CADM1: variants seen among roughly 807,000 people sequenced by gnomAD.
CADM1 encodes the protein cell adhesion molecule 1.
A neutral mutation model predicts 53.1 loss-of-function variants in CADM1; 15 were observed. The ratio of observed to expected loss-of-function variants is 0.28; its 90% CI spans 0.19 to 0.44. The LOEUF is 0.44. Among genes scored for constraint, CADM1 ranks in the 20% least tolerant of loss-of-function variants. CADM1 has a pLI of 1.00. For synonymous variants in CADM1, 281 were observed against 243.0 expected, an observed-to-expected ratio of 1.16 and a Z score of -1.45; for missense variants, 434 against 611.3, an observed-to-expected ratio of 0.71 and a Z score of 3.06.
chr11:115,267,984 G>A (rs920989550), intron 1 of CADM1, among the ~76,000 whole-genome samples: 7 of 152,192 alleles, frequency 4.6e-5, no homozygotes, highest in Non-Finnish European at 8.8e-5. Context: ...AGAATATATC[G>A]TTAACACATC....
At chr11:115,490,716 A>C (rs149889672) in intron 1 of CADM1, among the ~76,000 whole-genome samples, 69 of 152,278 alleles carry the variant, frequency 4.5e-4, no homozygotes, top group African/African-American at 1.6e-3. Flanking sequence ...TGTGAAGTTC[A>C]GTTTTAGACG....
At chr11:115,323,890 G>GAAAA (rs200056022) in intron 1 of CADM1, among the ~76,000 whole-genome samples, 95 of 145,050 alleles carry the variant, frequency 6.5e-4, no homozygotes, top group East Asian at 2.4e-3. Flanking sequence ...TACGAAAAAG[G>GAAAA]AAAAAAAAAA....
chr11:115,395,655 T>G (rs1239327371), intron 1 of CADM1, among the ~76,000 whole-genome samples: 1 of 152,190 alleles, frequency 6.6e-6, no homozygotes, highest in African/African-American at 2.4e-5. Flanking sequence ...TCGGAGATGT[T>G]TGAAATGTGA....
At position 115,504,383 on chromosome 11, in the gene CADM1, T is replaced by C. The variant is rs45514793; in HGVS notation, c.12A>G (p.Val4=). 936 of 1,546,892 alleles carry C rather than the reference T, an allele frequency of 6.1e-4. 3 individuals are homozygous for C. The African/African-American group carries it at 7.4e-3, about 12-fold the overall frequency. The part of the protein sequence containing the change: MAS[V]VLPSGSQCAA... ...CACACTGGGATCCGCTCGGCAGCAC[T>C]ACACTCGCCATGTCGGGCACCTGCC... The change falls in exon 1 of 12, where the codon GTA becomes GTG. Residue 4 remains valine, a synonymous_variant. Coordinates refer to ENST00000331581, the MANE Select transcript of CADM1 (RefSeq NM_001301043.2).
At chr11:115,384,705 T>G (rs1009672092) in intron 1 of CADM1, among the ~76,000 whole-genome samples, 1 of 152,192 alleles carries the variant, frequency 6.6e-6, no homozygotes, top group East Asian at 1.9e-4. Context: ...TTCACACTTG[T>G]GATAAGGCAT....
At chr11:115,201,554 G>A (rs1455718485) in intron 8 of CADM1, among the ~76,000 whole-genome samples, 1 of 152,190 alleles carries the variant, frequency 6.6e-6, no homozygotes, top group African/African-American at 2.4e-5. Context: ...GAATCAACTT[G>A]TGTGGTGACC....
intron 8 of CADM1, among the ~76,000 whole-genome samples, chr11:115,200,538 C>T (rs548768851): frequency 6.6e-6 from 1 of 152,220 alleles, no homozygotes; most frequent in South Asian, 2.1e-4. Context: ...TCTTGTTGCC[C>T]AGGCTGGAGA....
chr11:115,236,345 C>T (rs770091270), intron 3 of CADM1, among the ~76,000 whole-genome samples: 1 of 152,108 alleles, frequency 6.6e-6, no homozygotes, highest in Admixed American at 6.6e-5. Context: ...GACTCAAACA[C>T]TGATGACAAC....
chr11:115,287,598 G>C (rs942795216), intron 1 of CADM1: 8 of 152,232 alleles, frequency 5.3e-5, no homozygotes, highest in African/African-American at 1.9e-4. Flanking sequence ...CATCAGTTTT[G>C]CTTAACAGTT....
At chr11:115,213,234 C>T (rs964294132) in intron 7 of CADM1, among the ~76,000 whole-genome samples, 1 of 152,144 alleles carries the variant, frequency 6.6e-6, no homozygotes, top group South Asian at 2.1e-4. Flanking sequence ...TCACCCCCGC[C>T]GAGCAGTCTG....
At chr11:115,331,595 T>C (rs1231723319) in intron 1 of CADM1, among the ~76,000 whole-genome samples, 1 of 152,056 alleles carries the variant, frequency 6.6e-6, no homozygotes, top group Non-Finnish European at 1.5e-5. Flanking sequence ...TGGAAACAAC[T>C]GACAAAAATA....
intron 1 of CADM1, among the ~76,000 whole-genome samples, chr11:115,425,557 G>A (rs1482121892): frequency 6.6e-6 from 1 of 152,212 alleles, no homozygotes; most frequent in African/African-American, 2.4e-5. Flanking sequence ...CAAATTTAAT[G>A]TGCTTTGGGC....
At chr11:115,322,212 C>T (rs1327127934) in intron 1 of CADM1, among the ~76,000 whole-genome samples, 1 of 152,142 alleles carries the variant, frequency 6.6e-6, no homozygotes, top group African/African-American at 2.4e-5. Flanking sequence ...TGTAACAAGA[C>T]CACTCGTGAA....
chr11:115,214,568 G>A, intron 7 of CADM1, 40 bp downstream of exon 7: 1 of 1,574,746 alleles, frequency 6.4e-7, no homozygotes. Context: ...AGCTCCATGT[G>A]ACTGACTCTA....
At chr11:115,451,887 G>A (rs1220772803) in intron 1 of CADM1, among the ~76,000 whole-genome samples, 1 of 151,954 alleles carries the variant, frequency 6.6e-6, no homozygotes, top group East Asian at 1.9e-4. Flanking sequence ...AGAGAGTCCT[G>A]GAAAGAGTCA....
chr11:115,354,700 T>C (rs1403113021), intron 1 of CADM1, among the ~76,000 whole-genome samples: 1 of 152,216 alleles, frequency 6.6e-6, no homozygotes, highest in Non-Finnish European at 1.5e-5. Context: ...CAAGTTTATG[T>C]ATATCACATA....
intron 1 of CADM1, among the ~76,000 whole-genome samples, chr11:115,469,378 C>A (rs560122591): frequency 6.6e-6 from 1 of 152,222 alleles, no homozygotes; most frequent in South Asian, 2.1e-4. Flanking sequence ...ATTATCCTTC[C>A]CCATTTTATA....
intron 1 of CADM1, among the ~76,000 whole-genome samples, chr11:115,440,751 A>T (rs1023281035): frequency 6.6e-6 from 1 of 152,152 alleles, no homozygotes; most frequent in East Asian, 1.9e-4. Flanking sequence ...AAAACTGTGG[A>T]TACTCAGTCG....
chr11:115,411,376 C>G (rs530772999), intron 1 of CADM1, among the ~76,000 whole-genome samples: 1 of 152,158 alleles, frequency 6.6e-6, no homozygotes, highest in African/African-American at 2.4e-5. Flanking sequence ...CTACACACAT[C>G]AAATCAGATT....
Sources: gnomAD v4.1 joint callset for allele counts (sites outside exome capture counted in the v4.1 genomes callset) on GRCh38, gnomAD v4.1.1 for gene constraint, MANE v1.5 for transcripts, NCBI Gene and HGNC (gene_info 2026-07-23, HGNC 2026-07-21) for gene names.